NSD3: variants seen among roughly 807,000 people sequenced by gnomAD.
NSD3 encodes histone-lysine N-methyltransferase NSD3.
NSD3 carries 24 observed loss-of-function variants against 160.8 expected under a neutral mutation model. That is an observed-to-expected ratio of 0.15 (90% CI 0.11 to 0.21). The LOEUF (loss-of-function observed/expected upper bound fraction) is 0.21, where lower values mean the gene tolerates loss of function less well. Ranked by LOEUF, NSD3 falls within the 10% of genes least tolerant of loss-of-function variation. The pLI, the probability that NSD3 is intolerant of heterozygous loss-of-function variation, is 1.00. For missense variants in NSD3, 1,157 were observed against 1,735.9 expected (o/e 0.67, Z 5.93); for synonymous variants, 520 against 600.0 (o/e 0.87, Z 1.95).
intron 15 of NSD3, 22 bp downstream of exon 15, chr8:38,299,422 G>C: frequency 1.2e-6 from 2 of 1,600,868 alleles, no homozygotes; most frequent in African/African-American, 2.7e-5. Context: ...ATAAAAGCAA[G>C]AGAAACTATT....
Position 38,317,117 on chromosome 8 carries a change from T to C in NSD3, c.1856-1075A>G. 9.4e-7 allele frequency: 1 copy of C among 1,062,206 alleles called. No homozygotes were observed. Among genetic ancestry groups the C allele is most frequent in the Non-Finnish European group, 1.1e-6 (1 of 877,316 alleles). The allele number at this position is 1,062,206 out of a possible 1,614,324, so 65.8% of individuals were successfully genotyped here. ...TGGAGAAACAAGTCTCCTGAGGCCA[T>C]GAAGATCCGCAACAGGCTGAGTGAG... On this transcript the variant is annotated intron_variant, in intron 9 of 23. Coordinates refer to ENST00000317025, the MANE Select transcript of NSD3 (RefSeq NM_023034.2). This position sits in a 1 kb window ranked among gnomAD's most constrained non-coding sequence, Gnocchi z 5.3.
intron 20 of NSD3, 130 bp downstream of exon 20, chr8:38,281,337 C>T: frequency 2.3e-6 from 1 of 439,058 alleles, no homozygotes; most frequent in Non-Finnish European, 4.0e-6. Context: ...AGGCAGCACA[C>T]TAGCTACTGC....
intron 12 of NSD3, among the ~76,000 whole-genome samples, chr8:38,313,352 A>G (rs1159882285): frequency 6.6e-6 from 1 of 152,216 alleles, no homozygotes; most frequent in African/African-American, 2.4e-5. Context: ...TTTAAATCAC[A>G]GAGTCATCAT....
rs1228909232 is a variant in NSD3 at position 38,316,666 on chromosome 8, G to A, written c.1856-624C>T. The stretch of plus-strand genomic sequence containing the variant: ...ACATCTACATATGTCATGCCATTTA[G>A]AAGGCACATTGCTGAGGGCTGTAAA... On this transcript the variant is annotated intron_variant, in intron 9 of 23. Transcript: ENST00000317025. This position sits in a 1 kb window ranked among gnomAD's most constrained non-coding sequence, Gnocchi z 4.5. 1 of 1,054,360 alleles carries A rather than the reference G, an allele frequency of 9.5e-7. No homozygotes were observed. The highest frequency in any genetic ancestry group is 1.1e-6 in the Non-Finnish European group (1 of 872,480). 65.3% of individuals were successfully genotyped at this position (1,054,360 alleles called of 1,614,324 possible).
rs1426201117 is a variant in NSD3 at position 38,279,667 on chromosome 8, A to G, written c.3633T>C (p.Asp1211=). The part of the protein sequence containing the change: ...MLTVTKDRII[D]AGPKGNYSRF... ...GAGAATAATTTCCTTTTGGGCCGGCATCAATTATACGGTCCTTCAGAAAGA... is the reference window on the plus strand; with the variant it reads ...GAGAATAATTTCCTTTTGGGCCGGCGTCAATTATACGGTCCTTCAGAAAGA... Residue 1211 remains aspartate, a synonymous_variant, in exon 21 of 24, where the codon GAT becomes GAC. Coordinates refer to ENST00000317025, the MANE Select transcript of NSD3 (RefSeq NM_023034.2). 6.2e-7 allele frequency: 1 copy of G among 1,613,962 alleles called. No homozygotes were observed. The highest frequency in any genetic ancestry group is 1.1e-5 in the South Asian group (1 of 91,078).
chr8:38,313,539 A>T (rs986790261), intron 12 of NSD3, among the ~76,000 whole-genome samples: 3 of 152,158 alleles, frequency 2.0e-5, no homozygotes, highest in African/African-American at 7.2e-5. Flanking sequence ...TAAAAAAAAA[A>T]ATTACTTGGG....
intron 19 of NSD3, among the ~76,000 whole-genome samples, chr8:38,282,926 A>T (rs923665723): frequency 1.2e-4 from 19 of 152,232 alleles, no homozygotes; most frequent in African/African-American, 4.3e-4. Flanking sequence ...TGCTATGAAC[A>T]TTCTGGTGAA....
intron 19 of NSD3, among the ~76,000 whole-genome samples, chr8:38,286,396 G>A (rs570138085): frequency 6.6e-6 from 1 of 152,204 alleles, no homozygotes; most frequent in Non-Finnish European, 1.5e-5. Context: ...GTGCAAGCAG[G>A]GAAGCAGATC....
chr8:38,367,406 T>A (rs1175941522), intron 1 of NSD3, among the ~76,000 whole-genome samples: 1 of 152,086 alleles, frequency 6.6e-6, no homozygotes, highest in Non-Finnish European at 1.5e-5. Context: ...TATATATATA[T>A]ATGTGGTTAA....
chr8:38,365,143 T>C (rs1276495395), intron 1 of NSD3, among the ~76,000 whole-genome samples: 2 of 152,202 alleles, frequency 1.3e-5, no homozygotes, highest in African/African-American at 2.4e-5. Flanking sequence ...TTTAATTGAG[T>C]TCGCAGAGAA....
At chr8:38,372,903 T>C (rs1295892516) in intron 1 of NSD3, among the ~76,000 whole-genome samples, 2 of 146,202 alleles carry the variant, frequency 1.4e-5, no homozygotes, top group African/African-American at 5.0e-5. Context: ...CTACAAAAAT[T>C]AGCCGGGTGT....
chr8:38,273,381 T>C lies in NSD3; in HGVS notation c.*2260A>G, dbSNP rs1349428314. 6.6e-6 allele frequency: 1 copy of C among 152,176 alleles called. No homozygotes were observed. 9.4% of individuals were successfully genotyped at this position (152,176 alleles called of 1,614,324 possible). On this transcript the variant is annotated 3_prime_UTR_variant, in exon 24 of 24. Transcript: ENST00000317025. ...TTTTTTAATTTCAGCAGAGCTCTGT[T>C]ACAGATATGAAAACAAAATGTGACA...
intron 1 of NSD3, among the ~76,000 whole-genome samples, chr8:38,349,645 T>C (rs1810622994): frequency 7.1e-6 from 1 of 140,882 alleles, no homozygotes; most frequent in Non-Finnish European, 1.5e-5. Context: ...CTACTTATTT[T>C]TTTATTGTAA....
At chr8:38,356,063 A>G (rs1810816774) in intron 1 of NSD3, among the ~76,000 whole-genome samples, 1 of 152,208 alleles carries the variant, frequency 6.6e-6, no homozygotes, top group Non-Finnish European at 1.5e-5. Flanking sequence ...CCCACTCCCC[A>G]GAGTTAACTA....
In NSD3 at chr8:38,270,978, G is replaced by GT. The variant is rs1440168968; in HGVS notation, c.*4662dup. 1 of 152,156 alleles carries GT rather than the reference G, an allele frequency of 6.6e-6. No individual in the cohort carries two copies. The highest frequency in any genetic ancestry group is 2.4e-5 in the African/African-American group (1 of 41,412). The allele number at this position is 152,156 out of a possible 1,614,324, so 9.4% of individuals were successfully genotyped here. ...ATTACCCACATTTTGGGAGTGTAAC[G>GT]TAAGTGCAATTTTTTGTTTTGTTTT... On this transcript the variant is annotated 3_prime_UTR_variant, in exon 24 of 24. Coordinates refer to ENST00000317025, the MANE Select transcript of NSD3 (RefSeq NM_023034.2).
chr8:38,381,508 T>G (rs1811560397), intron 1 of NSD3: 4 of 103,674 alleles, frequency 3.9e-5, no homozygotes, highest in African/African-American at 3.8e-5. Context: ...ACTTTCCCAA[T>G]TCCCAGCTCA....
intron 1 of NSD3, among the ~76,000 whole-genome samples, chr8:38,374,962 C>A (rs935403475): frequency 6.6e-6 from 1 of 152,048 alleles, no homozygotes; most frequent in African/African-American, 2.4e-5. Flanking sequence ...CGAGATCGCG[C>A]CCCTGCACTC....
rs1173120659 is a variant in NSD3, at chr8:38,329,820, T to A, written c.1139A>T (p.Lys380Ile). The A allele has an allele frequency of 8.7e-6, 14 of 1,613,396 alleles. No homozygotes were observed. The highest frequency in any genetic ancestry group is 1.2e-5 in the Non-Finnish European group (14 of 1,179,786). ...IGIAHAEKAL[K>I]MTREERIEQY... is the part of the protein sequence containing the mutation. ...TTCTATTCTTTCTTCTCGAGTCATT[T>A]TCAATGCTTTCTCTGCATGGGCAAT... The change falls in exon 6 of 24, where the codon AAA becomes ATA. Residue 380 changes from lysine (K) to isoleucine (I), a missense_variant. Around this residue, in one of 10 missense-constraint regions of NSD3, gnomAD observed 168 missense variants for 208.1 expected, o/e 0.81. Coordinates refer to ENST00000317025, the MANE Select transcript of NSD3 (RefSeq NM_023034.2). This position sits in a 1 kb window ranked among gnomAD's most constrained non-coding sequence, Gnocchi z 4.8.
intron 6 of NSD3, among the ~76,000 whole-genome samples, chr8:38,328,287 C>A (rs986662304): frequency 6.6e-6 from 1 of 152,140 alleles, no homozygotes; most frequent in Non-Finnish European, 1.5e-5. Flanking sequence ...AAATAGCATT[C>A]TTTGGGGTGG....
Sources: gnomAD v4.1 joint callset for allele counts (sites outside exome capture counted in the v4.1 genomes callset) on GRCh38, gnomAD v4.1.1 for gene constraint, gnomAD v4.1.1 regional missense constraint, Gnocchi (gnomAD v3.1) non-coding constraint, MANE v1.5 for transcripts, NCBI Gene and HGNC (gene_info 2026-07-23, HGNC 2026-07-21) for gene names.